FAM135B: variants seen among roughly 807,000 people sequenced by gnomAD.
FAM135B encodes the protein family with sequence similarity 135 member B, also known as protein FAM135B.
A neutral mutation model predicts 127.7 loss-of-function variants in FAM135B; 43 were observed. The observed-to-expected ratio is 0.34, with a 90% CI of 0.26 to 0.43. The LOEUF is 0.43. Among genes scored for constraint, FAM135B ranks in the 20% least tolerant of loss-of-function variants. The pLI is 1.00. For missense variants in FAM135B, 1,558 were observed against 1,725.6 expected (o/e 0.90, Z 1.72); for synonymous variants, 670 against 665.1 (o/e 1.01, Z -0.11).
intron 2 of FAM135B, among the ~76,000 whole-genome samples, chr8:138,365,815 T>C (rs938756505): frequency 7.9e-5 from 12 of 152,210 alleles, no homozygotes; most frequent in African/African-American, 2.9e-4. Flanking sequence ...CACACTGCAG[T>C]ATTTTGCAAT....
At chr8:138,431,590 T>C (rs1378229787) in intron 1 of FAM135B, among the ~76,000 whole-genome samples, 1 of 152,262 alleles carries the variant, frequency 6.6e-6, no homozygotes, top group Non-Finnish European at 1.5e-5. Flanking sequence ...ACAGATCACA[T>C]GGCCTGCAAA....
rs762491539 is a variant in FAM135B, at chr8:138,265,736, G to A, written c.264C>T (p.Val88=). The change falls in exon 4 of 20, where the codon GTC becomes GTT. Residue 88 remains valine, a synonymous_variant. Coordinates refer to ENST00000395297, the MANE Select transcript of FAM135B (RefSeq NM_015912.4). ...CACCCAAGAGTAAATGAACTCGGAA[G>A]ACCACAGCATCATTTATGGGTACCT... The part of the protein sequence containing the change: ...NEEVPINDAV[V]FRVHLLLGGE... 1 of 1,614,076 alleles carries A rather than the reference G, an allele frequency of 6.2e-7. No individual in the cohort carries two copies. Among genetic ancestry groups the A allele is most frequent in the South Asian group, 1.1e-5 (1 of 91,066 alleles).
At chr8:138,452,744 G>A (rs545224048) in intron 1 of FAM135B, among the ~76,000 whole-genome samples, 1 of 152,246 alleles carries the variant, frequency 6.6e-6, no homozygotes, top group South Asian at 2.1e-4. Context: ...GTCAGTTAGG[G>A]CTACTGTCAT....
intron 1 of FAM135B, among the ~76,000 whole-genome samples, chr8:138,378,575 C>T (rs1294719948): frequency 6.6e-6 from 1 of 152,210 alleles, no homozygotes; most frequent in Middle Eastern, 3.2e-3. Context: ...TGAGGTTCTT[C>T]AGGGCCTCCC....
rs1829899690 is a variant in FAM135B, at chr8:138,353,447, C to T, written c.77+14460G>A. On this transcript the variant is annotated intron_variant, in intron 2 of 19. Transcript: ENST00000395297. The stretch of plus-strand genomic sequence containing the variant: ...GGATGCTCCCACCTTCTGGCTCTCA[C>T]ATTTCTTTGATTCTTTGAATTGTTT... 2.0e-5 allele frequency among the ~76,000 whole-genome samples: 3 copies of T among 152,186 alleles called. No homozygotes were observed. In the South Asian group the frequency reaches 6.2e-4, roughly 31 times the overall value.
intron 1 of FAM135B, among the ~76,000 whole-genome samples, chr8:138,481,442 T>C (rs1302946860): frequency 6.6e-6 from 1 of 152,228 alleles, no homozygotes; most frequent in Non-Finnish European, 1.5e-5. Flanking sequence ...TTCAGGTCAA[T>C]TAGCTTGCAT....
intron 2 of FAM135B, among the ~76,000 whole-genome samples, chr8:138,350,497 A>AACAC (rs59686476): frequency 2.0e-3 from 293 of 148,158 alleles, no homozygotes; most frequent in South Asian, 5.9e-3. Flanking sequence ...GGTTTTCTAC[A>AACAC]ACACACACAC....
At chr8:138,409,993 C>T (rs1193783593) in intron 1 of FAM135B, among the ~76,000 whole-genome samples, 1 of 152,020 alleles carries the variant, frequency 6.6e-6, no homozygotes, top group African/African-American at 2.4e-5. Flanking sequence ...CTTCAGGGCC[C>T]ACATTCTAAA....
chr8:138,142,711 A>G (rs1817311233), intron 16 of FAM135B: 1 of 289,856 alleles, frequency 3.4e-6, no homozygotes, highest in Admixed American at 4.8e-5. Context: ...ATGGCAAGAA[A>G]CAAGATTCCA....
intron 1 of FAM135B, among the ~76,000 whole-genome samples, chr8:138,462,996 C>A (rs898970436): frequency 1.3e-5 from 2 of 152,140 alleles, no homozygotes; most frequent in African/African-American, 2.4e-5. Flanking sequence ...AATTGAAAGA[C>A]CAAGAAGTAA....
chr8:138,481,163 T>C (rs1180534640), intron 1 of FAM135B, among the ~76,000 whole-genome samples: 1 of 152,236 alleles, frequency 6.6e-6, no homozygotes, highest in Non-Finnish European at 1.5e-5. Context: ...GCACATGCTA[T>C]AGACTTGATT....
chr8:138,459,964 A>G (rs1837032245), intron 1 of FAM135B, among the ~76,000 whole-genome samples: 1 of 152,210 alleles, frequency 6.6e-6, no homozygotes, highest in Non-Finnish European at 1.5e-5. Context: ...GAATAGAACC[A>G]TAGAACTTTC....
At chr8:138,324,807 G>A (rs1023122792) in intron 2 of FAM135B, among the ~76,000 whole-genome samples, 10 of 152,240 alleles carry the variant, frequency 6.6e-5, no homozygotes, top group African/African-American at 1.9e-4. Context: ...TGCTCGTAAC[G>A]ACTATACAAT....
In FAM135B at chr8:138,386,989, C is replaced by T. The variant is rs553344011; in HGVS notation, c.-19-18987G>A. 4.7e-4 allele frequency among the ~76,000 whole-genome samples: 72 copies of T among 152,272 alleles called. 1 individual carries two copies. Among genetic ancestry groups the T allele is most frequent in the Admixed American group, 1.6e-3 (25 of 15,296 alleles). On this transcript the variant is annotated intron_variant, in intron 1 of 19. Transcript: ENST00000395297. ...TCATACAGGGGCCCAATCATTTCTTCATCTCTTGAAGGTATAGAGGGACAC... is the reference window on the plus strand; with the variant it reads ...TCATACAGGGGCCCAATCATTTCTTTATCTCTTGAAGGTATAGAGGGACAC...
intron 3 of FAM135B, among the ~76,000 whole-genome samples, chr8:138,269,736 A>G (rs903551992): frequency 2.6e-5 from 4 of 152,228 alleles, no homozygotes; most frequent in Admixed American, 1.3e-4. Context: ...CCGAGCTCCA[A>G]TGAGACAAGA....
chr8:138,189,593 T>C (rs763256734), intron 9 of FAM135B, among the ~76,000 whole-genome samples: 1 of 152,206 alleles, frequency 6.6e-6, no homozygotes, highest in Non-Finnish European at 1.5e-5. Context: ...TACTCCCCTC[T>C]AGATGCTGCT....
intron 10 of FAM135B, among the ~76,000 whole-genome samples, chr8:138,178,124 T>C (rs1224519637): frequency 1.3e-5 from 2 of 151,996 alleles, no homozygotes; most frequent in African/African-American, 2.4e-5. Flanking sequence ...GGTGTGAGCC[T>C]GTAATCCCAG....
At chr8:138,198,368 C>G (rs1816832180) in intron 7 of FAM135B, among the ~76,000 whole-genome samples, 1 of 152,176 alleles carries the variant, frequency 6.6e-6, no homozygotes. Flanking sequence ...TTATTAGCAG[C>G]CTGAGAATGG....
At chr8:138,255,453 ACAGTGGGAATG>A (rs1266257839) in intron 5 of FAM135B, among the ~76,000 whole-genome samples, 1 of 152,174 alleles carries the variant, frequency 6.6e-6, no homozygotes, top group African/African-American at 2.4e-5. Flanking sequence ...CTCCCCTAGA[ACAGTGGGAATG>A]CAGTTCCTGG....
Sources: gnomAD v4.1 joint callset for allele counts (sites outside exome capture counted in the v4.1 genomes callset) on GRCh38, gnomAD v4.1.1 for gene constraint, MANE v1.5 for transcripts, NCBI Gene and HGNC (gene_info 2026-07-23, HGNC 2026-07-21) for gene names.